SH3BP4: variants seen among roughly 807,000 people sequenced by gnomAD.
The protein encoded by SH3BP4 is SH3 domain binding protein 4, also known as SH3 domain-binding protein 4.
A neutral mutation model predicts 65.5 loss-of-function variants in SH3BP4; 33 were observed. The observed-to-expected ratio is 0.50, with a 90% CI of 0.38 to 0.67. The LOEUF is 0.67. Ranked by LOEUF, SH3BP4 falls within the 30% of genes least tolerant of loss-of-function variation. SH3BP4 has a pLI of 0.00. For missense variants in SH3BP4, 1,134 were observed against 1,261.4 expected (o/e 0.90, Z 1.53); for synonymous variants, 552 against 545.5 (o/e 1.01, Z -0.17).
intron 1 of SH3BP4, among the ~76,000 whole-genome samples, chr2:234,984,434 C>T (rs889209656): frequency 2.6e-5 from 4 of 151,904 alleles, no homozygotes. Flanking sequence ...GTCTCAAACT[C>T]CTGGGCTCAA....
chr2:234,964,358 C>T (rs558830889), intron 1 of SH3BP4, among the ~76,000 whole-genome samples: 31 of 152,280 alleles, frequency 2.0e-4, no homozygotes, highest in African/African-American at 6.3e-4. Context: ...TTCTTGTTCA[C>T]GCTTTAATGC....
intron 1 of SH3BP4, among the ~76,000 whole-genome samples, chr2:234,955,223 G>A (rs1378009935): frequency 9.9e-5 from 15 of 152,140 alleles, no homozygotes; most frequent in Admixed American, 8.5e-4. Context: ...CTCTCAGTGC[G>A]CGGGTCAGCT....
intron 1 of SH3BP4, among the ~76,000 whole-genome samples, chr2:234,980,967 C>T (rs1399498828): frequency 1.3e-5 from 2 of 152,192 alleles, no homozygotes; most frequent in Non-Finnish European, 2.9e-5. Flanking sequence ...GCTCTGCCCA[C>T]TGCAACCTCC....
rs1047495176 is a variant in SH3BP4, at chr2:234,976,008, C to G, written c.-206-19295C>G. ...CTTTTCTCCAGCCTCAGTTTCCTGT[C>G]TCGTCAGCCCCATAGAAACTGAGCT... On this transcript the variant is annotated intron_variant, in intron 1 of 5. Coordinates refer to ENST00000392011, the MANE Select transcript of SH3BP4 (RefSeq NM_014521.3). The surrounding 1 kb of genome is among the most constrained non-coding windows in gnomAD (Gnocchi z 4.7). 6.6e-6 allele frequency among the ~76,000 whole-genome samples: 1 copy of G among 152,268 alleles called. No homozygotes were observed. The highest frequency in any genetic ancestry group is 1.5e-5 in the Non-Finnish European group (1 of 68,048).
intron 1 of SH3BP4, chr2:234,994,557 C>T (rs1693853228): frequency 6.6e-6 from 1 of 152,054 alleles, no homozygotes; most frequent in Non-Finnish European, 1.5e-5. Context: ...TTGGCTGGTT[C>T]TGCTCTCAAA....
chr2:234,969,425 G>A (rs1484110126), intron 1 of SH3BP4, among the ~76,000 whole-genome samples: 1 of 152,160 alleles, frequency 6.6e-6, no homozygotes, highest in Non-Finnish European at 1.5e-5. Flanking sequence ...TGAGTAGGTG[G>A]CTCTGTGACC....
chr2:234,969,904 T>C (rs867660946), intron 1 of SH3BP4, among the ~76,000 whole-genome samples: 1 of 142,176 alleles, frequency 7.0e-6, no homozygotes, highest in Non-Finnish European at 1.5e-5. Flanking sequence ...CACACACACT[T>C]ACACACACTC....
At chr2:234,960,048 A>G (rs900586171) in intron 1 of SH3BP4, among the ~76,000 whole-genome samples, 1 of 152,246 alleles carries the variant, frequency 6.6e-6, no homozygotes, top group African/African-American at 2.4e-5. Context: ...GCTAACAATC[A>G]TAGTTGATGT....
At chr2:234,989,500 C>G (rs1054888297) in intron 1 of SH3BP4, among the ~76,000 whole-genome samples, 2 of 152,220 alleles carry the variant, frequency 1.3e-5, no homozygotes, top group Non-Finnish European at 2.9e-5. Context: ...GAGCCTACAT[C>G]CCGCCTGGCC....
rs1157315963 is a variant in SH3BP4 at position 234,974,380 on chromosome 2, TAA to T, written c.-206-20920_-206-20919del. ...CTCTGTCTAAAAAAAAATAAATAAA[TAA>T]AAGAGAAAGAGAGATTTGTGAAGGT... On this transcript the variant is annotated intron_variant, in intron 1 of 5. Transcript: ENST00000392011. This position sits in a 1 kb window ranked among gnomAD's most constrained non-coding sequence, Gnocchi z 4.6. Among the ~76,000 whole-genome samples, 1 of 146,972 alleles carries T rather than the reference TAA, an allele frequency of 6.8e-6. No individual in the cohort carries two copies. Among genetic ancestry groups the T allele is most frequent in the Non-Finnish European group, 1.5e-5 (1 of 67,394 alleles).
chr2:234,984,146 A>G (rs1693474171), intron 1 of SH3BP4, among the ~76,000 whole-genome samples: 1 of 152,204 alleles, frequency 6.6e-6, no homozygotes, highest in South Asian at 2.1e-4. Flanking sequence ...CTGCTCTGGC[A>G]GTTGTCCTCA....
In SH3BP4 at chr2:234,952,733, A is replaced by T. The variant is rs1016499417; in HGVS notation, c.-207+563A>T. 1.3e-5 allele frequency: 2 copies of T among 152,132 alleles called. No homozygotes were observed. The highest frequency in any genetic ancestry group is 4.8e-5 in the African/African-American group (2 of 41,432). The allele number at this position is 152,132 out of a possible 1,614,324, so 9.4% of individuals were successfully genotyped here. ...TTCGGAGATCCCTCCTGTGAGGATG[A>T]AATTGAAAACTCCGGTTTCTGGCTT... is the stretch of plus-strand genomic sequence containing the variant. On this transcript the variant is annotated intron_variant, in intron 1 of 5. Transcript: ENST00000392011. The surrounding 1 kb of genome is among the most constrained non-coding windows in gnomAD (Gnocchi z 6.5).
At chr2:235,004,111 A>T (rs1392589923) in intron 2 of SH3BP4, among the ~76,000 whole-genome samples, 2 of 152,162 alleles carry the variant, frequency 1.3e-5, no homozygotes, top group Non-Finnish European at 2.9e-5. Flanking sequence ...CCTAACTCCT[A>T]ACTAAACATA....
At chr2:235,017,985 C>T (rs1302232987) in intron 2 of SH3BP4, among the ~76,000 whole-genome samples, 1 of 152,134 alleles carries the variant, frequency 6.6e-6, no homozygotes, top group African/African-American at 2.4e-5. Flanking sequence ...CATAAACATT[C>T]TGTACGGAAG....
intron 1 of SH3BP4, among the ~76,000 whole-genome samples, chr2:234,971,205 T>C (rs1692990251): frequency 6.6e-6 from 1 of 152,334 alleles, no homozygotes; most frequent in South Asian, 2.1e-4. Context: ...TTTCTGTTGC[T>C]ATGAATTTGA....
chr2:234,963,452 C>T (rs1282263975), intron 1 of SH3BP4, among the ~76,000 whole-genome samples: 1 of 152,102 alleles, frequency 6.6e-6, no homozygotes, highest in Admixed American at 6.5e-5. Context: ...ACTTTAAGAG[C>T]GGCCGTACTT....
intron 1 of SH3BP4, among the ~76,000 whole-genome samples, chr2:234,955,302 G>A (rs2106237016): frequency 6.6e-6 from 1 of 152,246 alleles, no homozygotes; most frequent in South Asian, 2.1e-4. Flanking sequence ...AGCTGGGCTA[G>A]GTCTCTGGGC....
In SH3BP4 at chr2:234,960,632, C is replaced by T. The variant is rs375490366; in HGVS notation, c.-207+8462C>T. 3.3e-5 allele frequency among the ~76,000 whole-genome samples: 5 copies of T among 152,278 alleles called. No individual in the cohort carries two copies. In the East Asian group the frequency reaches 5.8e-4, roughly 18 times the overall value. On this transcript the variant is annotated intron_variant, in intron 1 of 5. Coordinates refer to ENST00000392011, the MANE Select transcript of SH3BP4 (RefSeq NM_014521.3). ...AACTGCTGAATTGGGGGAAAGCAGACGCAACTGTTTGGGGCCACGTGCGCA... is the reference window on the plus strand; with the variant it reads ...AACTGCTGAATTGGGGGAAAGCAGATGCAACTGTTTGGGGCCACGTGCGCA...
chr2:235,024,159 A>G (rs141288576), intron 2 of SH3BP4, among the ~76,000 whole-genome samples: 5 of 152,352 alleles, frequency 3.3e-5, no homozygotes, highest in African/African-American at 1.2e-4. Context: ...TAGAGGCCAG[A>G]TTCTTGATAA....
Sources: gnomAD v4.1 joint callset for allele counts (sites outside exome capture counted in the v4.1 genomes callset) on GRCh38, gnomAD v4.1.1 for gene constraint, Gnocchi (gnomAD v3.1) non-coding constraint, MANE v1.5 for transcripts, NCBI Gene and HGNC (gene_info 2026-07-23, HGNC 2026-07-21) for gene names.